The following COL5A2 variants were observed in gnomAD, a reference collection of about 807,000 sequenced individuals.
COL5A2 encodes the protein collagen type V alpha 2 chain, also known as collagen alpha-2(V) chain.
COL5A2 carries 23 observed loss-of-function variants against 208.2 expected under a neutral mutation model. That is an observed-to-expected ratio of 0.11 (90% CI 0.08 to 0.16). The LOEUF (loss-of-function observed/expected upper bound fraction) is 0.16, where lower values mean the gene tolerates loss of function less well. COL5A2 is among the 10% of genes least tolerant of loss of function. The pLI is 1.00. For missense variants in COL5A2, 1,590 were observed against 1,956.4 expected, an observed-to-expected ratio of 0.81 and a Z score of 3.53; for synonymous variants, 625 against 628.5, an observed-to-expected ratio of 0.99 and a Z score of 0.08.
At position 189,064,273 on chromosome 2, in the gene COL5A2, C is replaced by CAAGTA. The variant is rs150346155; in HGVS notation, c.1717-241_1717-240insTACTT. ...TATTTATAAATTCTTTACTTGCTAA[C>CAAGTA]AAGTTATAAAATTTGACAAACAGGA... On this transcript the variant is annotated intron_variant, in intron 25 of 53. Transcript: ENST00000374866. Among the ~76,000 whole-genome samples, 145,234 of 151,972 alleles carry CAAGTA rather than the reference C, an allele frequency of 0.96. 69,511 individuals are homozygous for CAAGTA. Among genetic ancestry groups the CAAGTA allele is most frequent in the Non-Finnish European group, 0.98 (66,732 of 67,956 alleles).
the COL5A2 span, among the ~76,000 whole-genome samples, chr2:189,406,819 A>G: frequency 6.6e-6 from 1 of 152,120 alleles, no homozygotes; most frequent in African/African-American, 2.4e-5. Context: ...TCTTGTCTTA[A>G]CACTGTTGAG....
the COL5A2 span, among the ~76,000 whole-genome samples, chr2:189,402,198 G>GGTTTTT: frequency 2.0e-5 from 3 of 151,996 alleles, no homozygotes; most frequent in South Asian, 6.2e-4. Flanking sequence ...TATAGTTTTA[G>GGTTTTT]GTTTTTGTTG....
chr2:189,075,812 CAA>C (rs935765013), intron 16 of COL5A2, among the ~76,000 whole-genome samples: 3 of 152,130 alleles, frequency 2.0e-5, no homozygotes, highest in African/African-American at 7.2e-5. Context: ...ATAAAATACA[CAA>C]GAGAGATAAA....
At chr2:189,138,507 T>C (rs1413434019) in intron 1 of COL5A2, among the ~76,000 whole-genome samples, 1 of 152,132 alleles carries the variant, frequency 6.6e-6, no homozygotes, top group Non-Finnish European at 1.5e-5. Flanking sequence ...TACACACATA[T>C]ATATTTCCTT....
the COL5A2 span, among the ~76,000 whole-genome samples, chr2:189,425,219 G>A: frequency 2.0e-5 from 3 of 152,314 alleles, no homozygotes; most frequent in African/African-American, 4.8e-5. Context: ...GCAAAGATGT[G>A]AAGAAAAGGA....
At chr2:189,142,405 A>G (rs1559122901) in intron 1 of COL5A2, among the ~76,000 whole-genome samples, 1 of 152,060 alleles carries the variant, frequency 6.6e-6, no homozygotes, top group African/African-American at 2.4e-5. Context: ...ACCAATATTT[A>G]TGTGTTTTGT....
At chr2:189,280,414 A>C in the COL5A2 span, among the ~76,000 whole-genome samples, 1 of 152,124 alleles carries the variant, frequency 6.6e-6, no homozygotes, top group Non-Finnish European at 1.5e-5. Flanking sequence ...AGGTGCTTCT[A>C]CTTCCTACTA....
chr2:189,081,071 T>C, intron 12 of COL5A2, 28 bp from the exon 13 acceptor site: 2 of 1,595,124 alleles, frequency 1.3e-6, no homozygotes, highest in Non-Finnish European at 1.7e-6. Context: ...ATAGGGCATT[T>C]TACAGTCATT....
In COL5A2 at chr2:189,064,494, G is replaced by T. The variant is rs1235750995; in HGVS notation, c.1716+63C>A. 3.5e-6 allele frequency: 4 copies of T among 1,148,336 alleles called. No individual in the cohort carries two copies. In the South Asian group the frequency reaches 3.7e-5, roughly 11 times the overall value. 71.1% of individuals were successfully genotyped at this position (1,148,336 alleles called of 1,614,324 possible). On this transcript the variant is annotated intron_variant, in intron 25 of 53. Coordinates refer to ENST00000374866, the MANE Select transcript of COL5A2 (RefSeq NM_000393.5). ...TAAATTTAAAAACAAACAAAAACCC[G>T]ACCAATGCATGCTCAGGAGCACTTC...
rs1473926492 is a variant in COL5A2 at position 189,036,742 on chromosome 2, G to T, written c.3987C>A (p.Asn1329Lys). 5 of 1,613,524 alleles carry T rather than the reference G, an allele frequency of 3.1e-6. No homozygotes were observed. Among genetic ancestry groups the T allele is most frequent in the African/African-American group, 2.7e-5 (2 of 74,910 alleles). The stretch of plus-strand genomic sequence containing the variant: ...AAATACATGTTTCTCCTGTTTCCAT[G>T]TTGCAGTAAACTTTGATTGCATCTT... Reference protein sequence around the residue: ...SVEDAIKVYCNMETGETCISA... With the variant: ...SVEDAIKVYCKMETGETCISA... Residue 1329 changes from asparagine to lysine, a missense_variant, in exon 52 of 54, where the codon AAC becomes AAA. By Grantham distance (94) the Asn-to-Lys change is moderately conservative (BLOSUM62 0). Coordinates refer to ENST00000374866, the MANE Select transcript of COL5A2 (RefSeq NM_000393.5).
At chr2:189,311,446 G>A in the COL5A2 span, 4 of 1,140,554 alleles carry the variant, frequency 3.5e-6, no homozygotes, top group Admixed American at 5.6e-5. Context: ...GCTTGACCTC[G>A]ATGTTCAGCA....
the COL5A2 span, among the ~76,000 whole-genome samples, chr2:189,425,781 C>A: frequency 6.6e-6 from 1 of 152,048 alleles, no homozygotes; most frequent in Non-Finnish European, 1.5e-5. Context: ...CTCATGAGAT[C>A]CAGTTGTTTA....
At chr2:189,318,559 A>AT in the COL5A2 span, among the ~76,000 whole-genome samples, 15 of 152,128 alleles carry the variant, frequency 9.9e-5, no homozygotes, top group Non-Finnish European at 1.9e-4. Context: ...CCACAGCATG[A>AT]TTTTTTCTAA....
chr2:189,413,624 T>A, the COL5A2 span, among the ~76,000 whole-genome samples: 17 of 152,032 alleles, frequency 1.1e-4, no homozygotes, highest in South Asian at 3.5e-3. Context: ...GTAATTTGTG[T>A]TAGGGAGGGG....
chr2:189,285,864 G>A, the COL5A2 span, among the ~76,000 whole-genome samples: 7 of 152,040 alleles, frequency 4.6e-5, no homozygotes, highest in Non-Finnish European at 1.0e-4. Context: ...GCAAATGAGT[G>A]GACAGATGAG....
intron 40 of COL5A2, among the ~76,000 whole-genome samples, chr2:189,052,501 T>C (rs534895294): frequency 6.6e-6 from 1 of 152,334 alleles, no homozygotes; most frequent in South Asian, 2.1e-4. Flanking sequence ...TCACATTGTT[T>C]ATTTACTCTT....
the COL5A2 span, among the ~76,000 whole-genome samples, chr2:189,436,414 T>C: frequency 6.6e-6 from 1 of 152,010 alleles, no homozygotes; most frequent in Non-Finnish European, 1.5e-5. Context: ...TTAGGAGATA[T>C]ACCTAATGTA....
At chr2:189,096,827 C>G (rs1686927859) in intron 6 of COL5A2, among the ~76,000 whole-genome samples, 1 of 152,112 alleles carries the variant, frequency 6.6e-6, no homozygotes, top group Non-Finnish European at 1.5e-5. Flanking sequence ...TAAAACTACT[C>G]CTTTGCTATC....
At chr2:189,422,428 T>C in the COL5A2 span, among the ~76,000 whole-genome samples, 2 of 151,998 alleles carry the variant, frequency 1.3e-5, no homozygotes, top group African/African-American at 4.8e-5. Context: ...GCAGAATTGA[T>C]CAAGCAGAAG....
Sources: allele counts gnomAD v4.1 joint callset (sites outside exome capture counted in the v4.1 genomes callset), GRCh38; gene constraint gnomAD v4.1.1; transcripts MANE v1.5; gene names NCBI Gene and HGNC (gene_info 2026-07-23, HGNC 2026-07-21).